PKIA: variants seen among roughly 807,000 people sequenced by gnomAD.
PKIA encodes PKI-alpha.
In PKIA, 4 loss-of-function variants were observed where a neutral mutation model predicts 7.6. That is an observed-to-expected ratio of 0.52 (90% confidence interval 0.26 to 1.20). The LOEUF (loss-of-function observed/expected upper bound fraction) is 1.20, where lower values mean the gene tolerates loss of function less well. Among genes scored for constraint, PKIA ranks in the 50% most tolerant of loss-of-function variants. The pLI, the probability that PKIA is intolerant of heterozygous loss-of-function variation, is 0.13. For missense variants in PKIA, 73 were observed against 86.2 expected (o/e 0.85, Z 0.61); for synonymous variants, 21 against 30.7 (o/e 0.68, Z 1.04).
chr8:78,536,898 ACACACACACACT>A (rs1806539944), intron 1 of PKIA, among the ~76,000 whole-genome samples: 1 of 137,642 alleles, frequency 7.3e-6, no homozygotes, highest in Non-Finnish European at 1.6e-5. Flanking sequence ...ACACACACAC[ACACACACACACT>A]ACATTTTAAT....
chr8:78,565,460 A>G (rs1287641381), intron 1 of PKIA, among the ~76,000 whole-genome samples: 2 of 151,988 alleles, frequency 1.3e-5, no homozygotes, highest in South Asian at 2.1e-4. Flanking sequence ...AGGATTTTAT[A>G]TAAGTGTAAA....
intron 1 of PKIA, among the ~76,000 whole-genome samples, chr8:78,529,002 T>G (rs1806326890): frequency 6.6e-6 from 1 of 152,066 alleles, no homozygotes. Flanking sequence ...CAAAATTAAT[T>G]TAAAGGTTAC....
chr8:78,581,697 C>T (rs1166941271), intron 2 of PKIA, among the ~76,000 whole-genome samples: 5 of 151,870 alleles, frequency 3.3e-5, no homozygotes, highest in African/African-American at 1.2e-4. Context: ...AAGGGAAATC[C>T]AAGAAAATGT....
rs535136044 is a variant in PKIA at position 78,604,029 on chromosome 8, A to C, written c.*2208A>C. 1.8e-4 allele frequency: 28 copies of C among 152,084 alleles called. No individual in the cohort carries two copies. The highest frequency in any genetic ancestry group is 6.3e-4 in the African/African-American group (26 of 41,524). The allele number at this position is 152,084 out of a possible 1,614,324, so 9.4% of individuals were successfully genotyped here. ...GCATTCCCAAGCTAGGGAGATAAAA[A>C]TTAATTTTCTAAAATGTCCACATCC... On this transcript the variant is annotated 3_prime_UTR_variant, in exon 4 of 4. Coordinates refer to ENST00000396418, the MANE Select transcript of PKIA (RefSeq NM_006823.4).
At chr8:78,521,136 T>G (rs980691080) in intron 1 of PKIA, among the ~76,000 whole-genome samples, 1 of 152,146 alleles carries the variant, frequency 6.6e-6, no homozygotes, top group Non-Finnish European at 1.5e-5. Context: ...GAAACTGTTC[T>G]CAGACTTAAG....
intron 1 of PKIA, among the ~76,000 whole-genome samples, chr8:78,565,569 A>AT (rs1807387970): frequency 6.6e-6 from 1 of 151,926 alleles, no homozygotes; most frequent in Non-Finnish European, 1.5e-5. Context: ...GCATAGTTAG[A>AT]AGCTCCTAAA....
chr8:78,601,596 T>G, intron 3 of PKIA, 146 bp from the exon 4 acceptor site: 4 of 664,722 alleles, frequency 6.0e-6, no homozygotes, highest in Non-Finnish European at 1.1e-5. Context: ...AGTGGTGAAC[T>G]GACTACCAAG....
chr8:78,582,178 T>G (rs1807828283), intron 2 of PKIA, among the ~76,000 whole-genome samples: 1 of 151,896 alleles, frequency 6.6e-6, no homozygotes, highest in East Asian at 1.9e-4. Context: ...TTCGTGTTTT[T>G]TTTTTTTTTT....
intron 2 of PKIA, among the ~76,000 whole-genome samples, chr8:78,590,969 G>A (rs1808078656): frequency 6.6e-6 from 1 of 152,176 alleles, no homozygotes; most frequent in Non-Finnish European, 1.5e-5. Context: ...TCAAAGTTGA[G>A]AAGTTATATA....
intron 1 of PKIA, among the ~76,000 whole-genome samples, chr8:78,526,543 T>C (rs1219409244): frequency 6.6e-6 from 1 of 152,082 alleles, no homozygotes; most frequent in Non-Finnish European, 1.5e-5. Context: ...CAAATAGTTG[T>C]TGTTTCCAAT....
intron 1 of PKIA, among the ~76,000 whole-genome samples, chr8:78,562,263 G>A (rs1807303953): frequency 6.6e-6 from 1 of 152,130 alleles, no homozygotes; most frequent in South Asian, 2.1e-4. Flanking sequence ...GTAATCATCA[G>A]TGAACTAGTC....
chr8:78,550,861 GC>G (rs1300087943), intron 1 of PKIA, among the ~76,000 whole-genome samples: 2 of 151,912 alleles, frequency 1.3e-5, no homozygotes, highest in Non-Finnish European at 2.9e-5. Context: ...TCATTCTTAT[GC>G]CTTTGCATCC....
Position 78,601,947 on chromosome 8 carries a change from C to T in PKIA, c.*126C>T. The T allele has an allele frequency of 1.4e-6, 1 of 705,046 alleles. No individual in the cohort carries two copies. Among genetic ancestry groups the T allele is most frequent in the East Asian group, 2.7e-5 (1 of 37,408 alleles). The allele number at this position is 705,046 out of a possible 1,614,324, so 43.7% of individuals were successfully genotyped here. On this transcript the variant is annotated 3_prime_UTR_variant, in exon 4 of 4. Transcript: ENST00000396418. ...GGCTGTGCTGCATTGCAGGAACCTG[C>T]TCATTATCATGTTAAAAATGAGGGC...
At chr8:78,594,527 G>A (rs1808184132) in intron 2 of PKIA, among the ~76,000 whole-genome samples, 1 of 152,178 alleles carries the variant, frequency 6.6e-6, no homozygotes, top group South Asian at 2.1e-4. Flanking sequence ...TTGGGACGTG[G>A]AGAAACTCAG....
chr8:78,600,676 A>C (rs1384292823), intron 3 of PKIA, among the ~76,000 whole-genome samples: 1 of 152,142 alleles, frequency 6.6e-6, no homozygotes, highest in Non-Finnish European at 1.5e-5. Context: ...ATAGTGCATG[A>C]AAATTATATA....
At chr8:78,548,311 T>C (rs1473442759) in intron 1 of PKIA, among the ~76,000 whole-genome samples, 2 of 152,148 alleles carry the variant, frequency 1.3e-5, no homozygotes, top group African/African-American at 4.8e-5. Context: ...AGTCATGATC[T>C]CCTAGTGTAA....
At chr8:78,532,818 G>A (rs1045049859) in intron 1 of PKIA, among the ~76,000 whole-genome samples, 2 of 151,848 alleles carry the variant, frequency 1.3e-5, no homozygotes, top group African/African-American at 4.8e-5. Flanking sequence ...GGGAGGCTGA[G>A]GCATGAGAAC....
At chr8:78,540,393 T>C (rs1161829776) in intron 1 of PKIA, among the ~76,000 whole-genome samples, 4 of 152,072 alleles carry the variant, frequency 2.6e-5, no homozygotes, top group African/African-American at 4.8e-5. Context: ...AGTATTTAGC[T>C]TCTTATGATT....
intron 1 of PKIA, among the ~76,000 whole-genome samples, chr8:78,545,096 GCTTC>G (rs1190671148): frequency 2.6e-5 from 4 of 152,050 alleles, no homozygotes; most frequent in South Asian, 4.1e-4. Flanking sequence ...GTAAACATAT[GCTTC>G]CTTATTAAAA....
Sources: gnomAD v4.1 joint callset for allele counts (sites outside exome capture counted in the v4.1 genomes callset) on GRCh38, gnomAD v4.1.1 for gene constraint, MANE v1.5 for transcripts, NCBI Gene and HGNC (gene_info 2026-07-23, HGNC 2026-07-21) for gene names.